C6orf132: variants seen among roughly 807,000 people sequenced by gnomAD.
C6orf132 encodes the protein chromosome 6 open reading frame 132, also known as uncharacterized protein C6orf132.
C6orf132 carries 43 observed loss-of-function variants against 65.3 expected under a neutral mutation model. The observed-to-expected ratio is 0.66, with a 90% CI of 0.52 to 0.85. The LOEUF (loss-of-function observed/expected upper bound fraction) is 0.85. Ranked by LOEUF, C6orf132 falls within the 40% of genes least tolerant of loss-of-function variation. C6orf132 has a pLI of 0.00. For missense variants in C6orf132, 1,488 were observed against 1,548.8 expected (o/e 0.96, Z 0.66); for synonymous variants, 631 against 654.1 (o/e 0.96, Z 0.54).
chr6:42,120,449 T>C (rs1162757771), intron 2 of C6orf132, among the ~76,000 whole-genome samples: 1 of 151,954 alleles, frequency 6.6e-6, no homozygotes, highest in Non-Finnish European at 1.5e-5. Flanking sequence ...GGTTTCACCG[T>C]GTTAGCCAGG....
chr6:42,141,845 G>A (rs372303242), intron 1 of C6orf132, among the ~76,000 whole-genome samples: 1 of 152,312 alleles, frequency 6.6e-6, no homozygotes, highest in South Asian at 2.1e-4. Context: ...AACAGGGAGT[G>A]CAAAGGGTGA....
At position 42,106,344 on chromosome 6, in the gene C6orf132, G is replaced by C; in HGVS notation, c.1568C>G (p.Thr523Ser). 6.5e-7 allele frequency: 1 copy of C among 1,536,638 alleles called. No individual in the cohort carries two copies. The highest frequency in any genetic ancestry group is 8.7e-7 in the Non-Finnish European group (1 of 1,146,852). ...ACTCTTTTCAGGAACACCTGGGGGAGTGTCCTTTGCTGGCAGGCTCAGGAG... is the reference window on the plus strand; with the variant it reads ...ACTCTTTTCAGGAACACCTGGGGGACTGTCCTTTGCTGGCAGGCTCAGGAG... ...ETLLSLPAKDTPPGVPEKSLG... is the reference protein window; with the variant it reads ...ETLLSLPAKDSPPGVPEKSLG... Residue 523 changes from threonine to serine, a missense_variant, in exon 4 of 5, where the codon ACT (threonine) becomes AGT (serine). Coordinates refer to ENST00000341865, the MANE Select transcript of C6orf132 (RefSeq NM_001164446.3).
rs991433241 is a variant in C6orf132 at position 42,124,848 on chromosome 6, T to A, written c.252+3824A>T. Among the ~76,000 whole-genome samples the A allele has an allele frequency of 5.3e-5, 8 of 151,958 alleles. No individual in the cohort carries two copies. Among genetic ancestry groups the A allele is most frequent in the African/African-American group, 1.5e-4 (6 of 41,352 alleles). The stretch of plus-strand genomic sequence containing the variant: ...GAGAGAATTAAGCCGCCAGCCGGAT[T>A]CCCCTCCACCCGGGAGCAAGCGACG... On this transcript the variant is annotated intron_variant, in intron 2 of 4. Coordinates refer to ENST00000341865, the MANE Select transcript of C6orf132 (RefSeq NM_001164446.3). The surrounding 1 kb of genome is among the most constrained non-coding windows in gnomAD (Gnocchi z 4.0).
At chr6:42,129,436 T>A (rs913977853) in intron 1 of C6orf132, among the ~76,000 whole-genome samples, 1 of 152,142 alleles carries the variant, frequency 6.6e-6, no homozygotes, top group African/African-American at 2.4e-5. Flanking sequence ...TGGGCCTCAG[T>A]TTTTCCCATC....
intron 2 of C6orf132, among the ~76,000 whole-genome samples, chr6:42,118,275 G>T (rs4400215): frequency 6.6e-6 from 1 of 151,912 alleles, no homozygotes; most frequent in African/African-American, 2.4e-5. Flanking sequence ...GCAGGAGTAG[G>T]TGGGAGGGAG....
rs754761217 is a variant in C6orf132 at position 42,105,568 on chromosome 6, C to T, written c.2344G>A (p.Val782Ile). ...GCCAGGGTGGGCATCACCACAGCAACCTCACGGCTGAGGCTGCTCTGGTGG... is the reference window on the plus strand; with the variant it reads ...GCCAGGGTGGGCATCACCACAGCAATCTCACGGCTGAGGCTGCTCTGGTGG... ...HCHQSSLSRE[V>I]AVVMPTLARG... Residue 782 changes from valine (V) to isoleucine (I), a missense_variant, in exon 4 of 5, where the codon GTT (valine) becomes ATT (isoleucine). Physicochemically the swap from Val to Ile is conservative, Grantham distance 29. Coordinates refer to ENST00000341865, the MANE Select transcript of C6orf132 (RefSeq NM_001164446.3). 133 of 1,536,696 alleles carry T rather than the reference C, an allele frequency of 8.7e-5. No individual in the cohort carries two copies. The highest frequency in any genetic ancestry group is 8.4e-4 in the Middle Eastern group (5 of 5,986).
chr6:42,121,330 G>A (rs909784967), intron 2 of C6orf132, among the ~76,000 whole-genome samples: 6 of 152,204 alleles, frequency 3.9e-5, no homozygotes, highest in Non-Finnish European at 8.8e-5. Flanking sequence ...ATCCCCTATT[G>A]CCCTATTGAC....
At position 42,106,204 on chromosome 6, in the gene C6orf132, G is replaced by C; in HGVS notation, c.1708C>G (p.Leu570Val). The change falls in exon 4 of 5, where the codon CTG becomes GTG. Residue 570 changes from leucine (L) to valine (V), a missense_variant. Leu to Val is a conservative substitution (Grantham distance 32). Transcript: ENST00000341865. ...GCTGCTGAGGAGAGCCGGGCCTCCAGCTCATTCCGGATCTGCCGCACACTG... is the reference window on the plus strand; with the variant it reads ...GCTGCTGAGGAGAGCCGGGCCTCCACCTCATTCCGGATCTGCCGCACACTG... ...TPSVRQIRNE[L>V]EARLSSAAEK... 1.3e-6 allele frequency: 2 copies of C among 1,537,246 alleles called. No individual in the cohort carries two copies. The highest frequency in any genetic ancestry group is 1.7e-6 in the Non-Finnish European group (2 of 1,146,912).
chr6:42,115,570 C>T (rs994217833), intron 2 of C6orf132, among the ~76,000 whole-genome samples: 7 of 152,054 alleles, frequency 4.6e-5, no homozygotes, highest in South Asian at 2.1e-4. Flanking sequence ...GGCGTGAACC[C>T]GGGAGGCGGA....
rs527877555 is a variant in C6orf132, at chr6:42,105,574, G to T, written c.2338C>A (p.Arg780Ser). The T allele has an allele frequency of 1.3e-6, 2 of 1,536,726 alleles. No homozygotes were observed. The highest frequency in any genetic ancestry group is 4.9e-5 in the East Asian group (2 of 40,912). The change falls in exon 4 of 5, where the codon CGT becomes AGT. Residue 780 changes from arginine to serine, a missense_variant. Physicochemically the swap from Arg to Ser is moderately radical, Grantham distance 110. Coordinates refer to ENST00000341865, the MANE Select transcript of C6orf132 (RefSeq NM_001164446.3). Reference sequence around the variant, plus strand: ...GTGGGCATCACCACAGCAACCTCACGGCTGAGGCTGCTCTGGTGGCAGTGG... The same window carrying T: ...GTGGGCATCACCACAGCAACCTCACTGCTGAGGCTGCTCTGGTGGCAGTGG... ...KPHCHQSSLS[R>S]EVAVVMPTLA...
chr6:42,136,891 C>T (rs567887711), intron 1 of C6orf132, among the ~76,000 whole-genome samples: 9 of 152,088 alleles, frequency 5.9e-5, no homozygotes, highest in African/African-American at 2.2e-4. Context: ...GCGCCGCCCC[C>T]CCAGCCCTGC....
chr6:42,109,081 G>A (rs1766458074), intron 3 of C6orf132, among the ~76,000 whole-genome samples: 1 of 152,196 alleles, frequency 6.6e-6, no homozygotes, highest in Admixed American at 6.5e-5. Flanking sequence ...TATCACATTA[G>A]AGGATGAGTG....
intron 1 of C6orf132, among the ~76,000 whole-genome samples, chr6:42,137,918 T>C (rs1766972388): frequency 6.6e-6 from 1 of 151,972 alleles, no homozygotes; most frequent in Admixed American, 6.5e-5. Flanking sequence ...CTACTAAAAA[T>C]ACAAAAATAG....
Position 42,106,550 on chromosome 6 carries a change from C to G in C6orf132, c.1362G>C (p.Ala454=), listed in dbSNP as rs9471762. The G allele has an allele frequency of 0.23, 346,249 of 1,534,246 alleles. 41,631 individuals carry two copies. The highest frequency in any genetic ancestry group is 0.33 in the African/African-American group (23,649 of 72,670). Residue 454 remains alanine (A), a synonymous_variant, in exon 4 of 5, where the codon GCG becomes GCC. Coordinates refer to ENST00000341865, the MANE Select transcript of C6orf132 (RefSeq NM_001164446.3). The part of the protein sequence containing the change: ...KPNPPSPENT[A]SSAPVDWRDP... Reference sequence around the variant, plus strand: ...CCCTCCAGTCCACAGGTGCTGAAGACGCTGTGTTCTCTGGGCTGGGGGGGT... The same window carrying G: ...CCCTCCAGTCCACAGGTGCTGAAGAGGCTGTGTTCTCTGGGCTGGGGGGGT...
rs1009792152 is a variant in C6orf132, at chr6:42,103,237, T to C, written c.*524A>G. ...GCGGCTAGGAACCCCAGGTGTCCAC[T>C]CTTGCTTGGGATGGCAGGTGATGGA... On this transcript the variant is annotated 3_prime_UTR_variant, in exon 5 of 5. Coordinates refer to ENST00000341865, the MANE Select transcript of C6orf132 (RefSeq NM_001164446.3). 1.0e-5 allele frequency: 4 copies of C among 398,564 alleles called. No homozygotes were observed. Among genetic ancestry groups the C allele is most frequent in the Non-Finnish European group, 1.8e-5 (4 of 226,092 alleles). 24.7% of individuals were successfully genotyped at this position (398,564 alleles called of 1,614,324 possible). A position where few individuals can be genotyped will look rare whatever the true frequency, so the allele number is the denominator to read the frequency against.
In C6orf132 at chr6:42,104,679, G is replaced by T. The variant is rs1242454785; in HGVS notation, c.3233C>A (p.Pro1078His). 4 of 1,511,458 alleles carry T rather than the reference G, an allele frequency of 2.6e-6. No homozygotes were observed. The Admixed American group carries it at 6.4e-5, about 24-fold the overall frequency. 93.6% of individuals were successfully genotyped at this position (1,511,458 alleles called of 1,614,324 possible). The stretch of plus-strand genomic sequence containing the variant: ...CAGGCTGCGGCCGGTGCCACCGTGG[G>T]GTAGCCCTGGGCCTCGGTGCGGCTC... ...VGEPHRGPGLPHGGTGRSLSS... is the reference protein window; with the variant it reads ...VGEPHRGPGLHHGGTGRSLSS... Residue 1078 changes from proline (P) to histidine (H), a missense_variant, in exon 4 of 5, where the codon CCC becomes CAC. Physicochemically the swap from Pro to His is moderately conservative, Grantham distance 77. Coordinates refer to ENST00000341865, the MANE Select transcript of C6orf132 (RefSeq NM_001164446.3). The surrounding 1 kb of genome is among the most constrained non-coding windows in gnomAD (Gnocchi z 4.1).
Position 42,107,254 on chromosome 6 carries a change from G to A in C6orf132, c.658C>T (p.Pro220Ser). ...TPPDFIPPAP[P>S]LAFLAPPPPP... ...GGTGGGGGGGCTAGAAAGGCCAAGG[G>A]TGGGGCAGGGGGAATGAAGTCAGGA... The change falls in exon 4 of 5, where the codon CCC (proline) becomes TCC (serine). Residue 220 changes from proline (P) to serine (S), a missense_variant. Pro to Ser is a moderately conservative substitution (Grantham distance 74). Transcript: ENST00000341865. 2 of 1,278,164 alleles carry A rather than the reference G, an allele frequency of 1.6e-6. No homozygotes were observed. The highest frequency in any genetic ancestry group is 3.2e-5 in the South Asian group (2 of 63,222). 79.2% of individuals were successfully genotyped at this position (1,278,164 alleles called of 1,614,324 possible). A position where few individuals can be genotyped will look rare whatever the true frequency, so the allele number is the denominator to read the frequency against.
chr6:42,103,440 ACT>A lies in C6orf132; in HGVS notation c.*319_*320del, dbSNP rs756533328. The stretch of plus-strand genomic sequence containing the variant: ...CGTGCTTGTAAAACTGTTTTAAATA[ACT>A]CTTGCTAAAGCAGATAGTACCAGAG... On this transcript the variant is annotated 3_prime_UTR_variant, in exon 5 of 5. Transcript: ENST00000341865. 2 of 390,858 alleles carry A rather than the reference ACT, an allele frequency of 5.1e-6. No homozygotes were observed. Among genetic ancestry groups the A allele is most frequent in the Non-Finnish European group, 9.0e-6 (2 of 222,166 alleles). 24.2% of individuals were successfully genotyped at this position (390,858 alleles called of 1,614,324 possible).
In C6orf132 at chr6:42,115,700, A is replaced by G. The variant is rs1482877421; in HGVS notation, c.253-5409T>C. On this transcript the variant is annotated intron_variant, in intron 2 of 4. Transcript: ENST00000341865. ...CGGTTAAAACGGTAAATTTTATCTTATGTATATCTTATAATAAAAAAGTTA... is the reference window on the plus strand; with the variant it reads ...CGGTTAAAACGGTAAATTTTATCTTGTGTATATCTTATAATAAAAAAGTTA... Among the ~76,000 whole-genome samples the G allele has an allele frequency of 3.3e-5, 5 of 152,174 alleles. No homozygotes were observed. The East Asian group carries it at 9.6e-4, about 29-fold the overall frequency.
Sources: gnomAD v4.1 joint callset for allele counts (sites outside exome capture counted in the v4.1 genomes callset) on GRCh38, gnomAD v4.1.1 for gene constraint, Gnocchi (gnomAD v3.1) non-coding constraint, MANE v1.5 for transcripts, NCBI Gene and HGNC (gene_info 2026-07-23, HGNC 2026-07-21) for gene names.